Variants in IFT140 observed in about 807,000 individuals in gnomAD.
The protein encoded by IFT140 is intraflagellar transport 140.
Under a neutral mutation model 164.6 loss-of-function variants are expected in IFT140, and 133 were observed. That is an observed-to-expected ratio of 0.81 (90% CI 0.70 to 0.93). The LOEUF (loss-of-function observed/expected upper bound fraction) is 0.93, where lower values mean the gene tolerates loss of function less well. Ranked by LOEUF, IFT140 falls within the 40% of genes least tolerant of loss-of-function variation. The pLI is 0.00. For missense variants in IFT140, 2,045 were observed against 1,972.3 expected, an observed-to-expected ratio of 1.04 and a Z score of -0.70; for synonymous variants, 860 against 817.3, an observed-to-expected ratio of 1.05 and a Z score of -0.89.
At chr16:1,529,078 C>G in intron 19 of IFT140, among the ~76,000 whole-genome samples, 1 of 152,226 alleles carries the variant, frequency 6.6e-6, no homozygotes, top group East Asian at 1.9e-4. Flanking sequence ...GTGTCTGTGG[C>G]TGCAACGCGG....
chr16:1,573,681 C>T (rs2034133639), intron 13 of IFT140, among the ~76,000 whole-genome samples: 1 of 152,084 alleles, frequency 6.6e-6, no homozygotes, highest in South Asian at 2.1e-4. Context: ...CAACTAGTCA[C>T]CCCCCTTATA....
chr16:1,556,252 G>A (rs1379197542), intron 19 of IFT140, among the ~76,000 whole-genome samples: 1 of 152,258 alleles, frequency 6.6e-6, no homozygotes, highest in Non-Finnish European at 1.5e-5. Context: ...AAGTCCTTGA[G>A]TTGGGCAGAA....
At chr16:1,604,075 T>A (rs1287861673) in intron 3 of IFT140, among the ~76,000 whole-genome samples, 2 of 152,240 alleles carry the variant, frequency 1.3e-5, no homozygotes, top group African/African-American at 2.4e-5. Context: ...ATATTTATTT[T>A]AAAAAATATC....
At chr16:1,538,799 G>A (rs28668520) in intron 19 of IFT140, among the ~76,000 whole-genome samples, 35,265 of 151,994 alleles carry the variant, frequency 0.23, 4,317 homozygotes, top group East Asian at 0.31. Flanking sequence ...GCCTCACTCC[G>A]GTCCCTGCAG....
chr16:1,528,321 A>G lies in IFT140; in HGVS notation c.2400-1525T>C, dbSNP rs574067642. On this transcript the variant is annotated intron_variant, in intron 19 of 30. Coordinates refer to ENST00000426508, the MANE Select transcript of IFT140 (RefSeq NM_014714.4). ...ACCAAAGCCACACACACACGCACGC[A>G]TGCACGCACGTGTGCACACACACGC... Among the ~76,000 whole-genome samples the G allele has an allele frequency of 3.4e-5, 4 of 118,258 alleles. No individual in the cohort carries two copies. The East Asian group carries it at 9.4e-4, about 28-fold the overall frequency. 77.6% of individuals were successfully genotyped at this position (118,258 alleles called of 152,430 possible).
intron 19 of IFT140, among the ~76,000 whole-genome samples, chr16:1,542,402 C>T (rs985879445): frequency 1.3e-5 from 2 of 152,242 alleles, no homozygotes; most frequent in Admixed American, 1.3e-4. Flanking sequence ...GGCCCTTGTG[C>T]AGTCCACATG....
chr16:1,604,316 T>TGTGTGTGTGTGTGTGG (rs1273123812), intron 3 of IFT140: 1 of 127,004 alleles, frequency 7.9e-6, no homozygotes. Context: ...TGTGTGTGTG[T>TGTGTGTGTGTGTGTGG]GGAGGGGGGA....
Position 1,572,110 on chromosome 16 carries a change from G to A in IFT140, c.1525-576C>T, listed in dbSNP as rs569146689. 2.6e-4 allele frequency among the ~76,000 whole-genome samples: 40 copies of A among 152,254 alleles called. No homozygotes were observed. In the South Asian group the frequency reaches 7.7e-3, roughly 29 times the overall value. The stretch of plus-strand genomic sequence containing the variant: ...CCTGCACCGTACGCTTAGGCACGAC[G>A]CACCCACTCTTTCTAAGTGTGTGGG... On this transcript the variant is annotated intron_variant, in intron 13 of 30. Transcript: ENST00000426508.
chr16:1,589,833 C>T, intron 6 of IFT140, 53 bp from the exon 7 acceptor site: 1 of 1,485,146 alleles, frequency 6.7e-7, no homozygotes, highest in Non-Finnish European at 9.3e-7. Flanking sequence ...TATCTGCTTC[C>T]ATGACCCTCA....
chr16:1,517,116 ATC>A (rs1351267388), intron 30 of IFT140, among the ~76,000 whole-genome samples: 5 of 152,204 alleles, frequency 3.3e-5, no homozygotes, highest in Non-Finnish European at 5.9e-5. Context: ...CACGCCTGTA[ATC>A]CCAGCACTTT....
Position 1,587,130 on chromosome 16 carries a change from A to G in IFT140, c.1009+68T>C. ...GTAGCCTCCACGTTTCACTACCATT[A>G]TTTTGCAGCCGGCGCACAATGCTTG... On this transcript the variant is annotated intron_variant, in intron 9 of 30. Coordinates refer to ENST00000426508, the MANE Select transcript of IFT140 (RefSeq NM_014714.4). 1.1e-5 allele frequency: 11 copies of G among 991,006 alleles called. No individual in the cohort carries two copies. In the South Asian group the frequency reaches 1.4e-4, roughly 13 times the overall value. The allele number at this position is 991,006 out of a possible 1,614,324, so 61.4% of individuals were successfully genotyped here.
intron 22 of IFT140, 124 bp downstream of exon 22, chr16:1,525,107 G>A: frequency 1.7e-6 from 2 of 1,161,456 alleles, no homozygotes; most frequent in East Asian, 2.4e-5. Flanking sequence ...GCTCTGAGGA[G>A]CCGGGAGGAC....
intron 19 of IFT140, chr16:1,532,177 G>A (rs955633477): frequency 6.6e-6 from 1 of 152,278 alleles, no homozygotes; most frequent in Admixed American, 6.5e-5. Context: ...GGAGAGTGGG[G>A]GCCGGCAGCA....
At chr16:1,609,319 T>G (rs975123445) in intron 2 of IFT140, among the ~76,000 whole-genome samples, 4 of 152,220 alleles carry the variant, frequency 2.6e-5, no homozygotes, top group Admixed American at 2.6e-4. Flanking sequence ...ACGGCCCTAA[T>G]TGCTTTCTTT....
chr16:1,573,421 A>G (rs1210648943), intron 13 of IFT140, among the ~76,000 whole-genome samples: 3 of 151,546 alleles, frequency 2.0e-5, no homozygotes, highest in African/African-American at 7.3e-5. Flanking sequence ...TACATTCCCA[A>G]CTCCCAAAGT....
intron 13 of IFT140, among the ~76,000 whole-genome samples, chr16:1,578,529 A>T (rs1395438960): frequency 2.0e-5 from 3 of 150,888 alleles, no homozygotes; most frequent in Non-Finnish European, 4.4e-5. Context: ...CAATCACTGG[A>T]GCCAGGAGTT....
At chr16:1,560,913 G>A (rs745401298) in intron 18 of IFT140, among the ~76,000 whole-genome samples, 1 of 152,214 alleles carries the variant, frequency 6.6e-6, no homozygotes, top group East Asian at 1.9e-4. Context: ...GTTTGCTGAC[G>A]GAGTGTGTAA....
At chr16:1,542,134 C>T (rs976304253) in intron 19 of IFT140, 2 of 1,498,558 alleles carry the variant, frequency 1.3e-6, no homozygotes, top group Admixed American at 2.2e-5. Flanking sequence ...CTTCTGGTGC[C>T]ACAGGAGGGT....
intron 19 of IFT140, among the ~76,000 whole-genome samples, chr16:1,543,881 A>G (rs1596334973): frequency 2.6e-5 from 4 of 152,208 alleles, no homozygotes; most frequent in Admixed American, 2.6e-4. Flanking sequence ...AAAGAAGGAA[A>G]TGGAAGATTT....
Sources: gnomAD v4.1 joint callset for allele counts (sites outside exome capture counted in the v4.1 genomes callset) on GRCh38, gnomAD v4.1.1 for gene constraint, MANE v1.5 for transcripts, NCBI Gene and HGNC (gene_info 2026-07-23, HGNC 2026-07-21) for gene names.